The following ZNRF2 variants were observed in gnomAD, a reference collection of about 807,000 sequenced individuals.
ZNRF2 encodes E3 ubiquitin-protein ligase ZNRF2.
A neutral mutation model predicts 20.4 loss-of-function variants in ZNRF2; 16 were observed. The ratio of observed to expected loss-of-function variants is 0.79; its 90% CI spans 0.53 to 1.19. The LOEUF (loss-of-function observed/expected upper bound fraction) is 1.19, where lower values mean the gene tolerates loss of function less well. Ranked by LOEUF, ZNRF2 falls within the 50% of genes most tolerant of loss-of-function variation. ZNRF2 has a pLI of 0.00. For missense variants in ZNRF2, 363 were observed against 332.4 expected (o/e 1.09, Z -0.72); for synonymous variants, 178 against 144.9 (o/e 1.23, Z -1.64).
At chr7:30,297,161 C>G (rs764221021) in intron 1 of ZNRF2, among the ~76,000 whole-genome samples, 12 of 152,184 alleles carry the variant, frequency 7.9e-5, no homozygotes, top group Non-Finnish European at 1.2e-4. Flanking sequence ...ACAACCCTCC[C>G]TCATTTGTAT....
chr7:30,307,555 A>T (rs1265667600), intron 1 of ZNRF2, among the ~76,000 whole-genome samples: 1 of 151,354 alleles, frequency 6.6e-6, no homozygotes, highest in Admixed American at 6.6e-5. Flanking sequence ...ATTGAATGAT[A>T]CTGTTTTTAT....
At chr7:30,314,634 T>C (rs556307604) in intron 1 of ZNRF2, among the ~76,000 whole-genome samples, 85 of 152,184 alleles carry the variant, frequency 5.6e-4, no homozygotes, top group African/African-American at 1.9e-3. Flanking sequence ...TTTAAGAGTG[T>C]GAATATGCCA....
At chr7:30,299,929 G>A (rs899247205) in intron 1 of ZNRF2, among the ~76,000 whole-genome samples, 6 of 151,546 alleles carry the variant, frequency 4.0e-5, no homozygotes, top group Non-Finnish European at 5.9e-5. Flanking sequence ...ACAGGCGCCC[G>A]CCACCACACC....
chr7:30,304,283 G>A (rs1053880416), intron 1 of ZNRF2, among the ~76,000 whole-genome samples: 1 of 152,068 alleles, frequency 6.6e-6, no homozygotes, highest in Non-Finnish European at 1.5e-5. Flanking sequence ...TAGGATGGCA[G>A]GTCCAAGTAC....
intron 2 of ZNRF2, among the ~76,000 whole-genome samples, chr7:30,344,393 A>G (rs937370422): frequency 6.6e-6 from 1 of 151,832 alleles, no homozygotes; most frequent in Non-Finnish European, 1.5e-5. Context: ...GTTTTTTTCT[A>G]TGAGCAATAA....
At chr7:30,364,465 T>G (rs1344277302) in intron 4 of ZNRF2, among the ~76,000 whole-genome samples, 1 of 152,134 alleles carries the variant, frequency 6.6e-6, no homozygotes, top group Non-Finnish European at 1.5e-5. Flanking sequence ...CCTGGGTGAC[T>G]TAGCAAGTCC....
intron 2 of ZNRF2, among the ~76,000 whole-genome samples, chr7:30,335,266 A>G (rs1298574454): frequency 1.3e-5 from 2 of 152,096 alleles, no homozygotes; most frequent in Non-Finnish European, 2.9e-5. Flanking sequence ...TGACTTTTGT[A>G]TCATTCCAAC....
chr7:30,285,977 G>A, intron 1 of ZNRF2, 151 bp downstream of exon 1: 3 of 1,316,282 alleles, frequency 2.3e-6, no homozygotes, highest in African/African-American at 1.5e-5. Context: ...CTCCATCCTG[G>A]AAGAAACCCG....
intron 1 of ZNRF2, among the ~76,000 whole-genome samples, chr7:30,310,405 A>G (rs1275589874): frequency 1.3e-5 from 2 of 152,202 alleles, no homozygotes; most frequent in Non-Finnish European, 2.9e-5. Flanking sequence ...GGGGTTGGCA[A>G]ATGTCTAGTA....
intron 1 of ZNRF2, among the ~76,000 whole-genome samples, chr7:30,316,276 G>A (rs1161643632): frequency 2.7e-5 from 2 of 74,016 alleles, no homozygotes; most frequent in East Asian, 8.6e-4. Context: ...CAACAAGAGC[G>A]AAACTCCATC....
intron 2 of ZNRF2, among the ~76,000 whole-genome samples, chr7:30,341,138 C>G (rs1799789953): frequency 6.6e-6 from 1 of 151,404 alleles, no homozygotes; most frequent in Non-Finnish European, 1.5e-5. Flanking sequence ...TCTTCTTTGT[C>G]TGGCTAGGGG....
chr7:30,351,009 T>C (rs969902018), intron 2 of ZNRF2, among the ~76,000 whole-genome samples: 1 of 151,712 alleles, frequency 6.6e-6, no homozygotes, highest in African/African-American at 2.4e-5. Context: ...GTTTTTTGTT[T>C]TTTTTTTTAA....
chr7:30,342,094 A>G (rs536847897), intron 2 of ZNRF2, among the ~76,000 whole-genome samples: 1 of 132,884 alleles, frequency 7.5e-6, no homozygotes, highest in Non-Finnish European at 1.6e-5. Context: ...ATATTCCTCC[A>G]TTTCTTTATT....
chr7:30,357,020 T>C (rs1483561249), intron 3 of ZNRF2, among the ~76,000 whole-genome samples: 1 of 152,168 alleles, frequency 6.6e-6, no homozygotes, highest in Non-Finnish European at 1.5e-5. Context: ...TCAAAATATT[T>C]ATAAAACCCT....
At chr7:30,287,214 AACCT>A (rs1239163758) in intron 1 of ZNRF2, among the ~76,000 whole-genome samples, 1 of 152,224 alleles carries the variant, frequency 6.6e-6, no homozygotes, top group Non-Finnish European at 1.5e-5. Flanking sequence ...GATCACAACT[AACCT>A]AACAGTTGAA....
intron 1 of ZNRF2, among the ~76,000 whole-genome samples, chr7:30,315,316 T>A (rs894544535): frequency 3.9e-5 from 6 of 152,214 alleles, no homozygotes; most frequent in African/African-American, 1.4e-4. Context: ...CCCCTATGAT[T>A]GTTGCATGGT....
intron 2 of ZNRF2, among the ~76,000 whole-genome samples, chr7:30,329,411 C>A (rs1474873166): frequency 3.9e-5 from 6 of 152,206 alleles, no homozygotes; most frequent in Admixed American, 3.3e-4. Context: ...TATTTTTGTA[C>A]CCATTAATCA....
In ZNRF2 at chr7:30,285,610, G is replaced by T. The variant is rs1264419941; in HGVS notation, c.253G>T (p.Gly85Trp). ...GGCCCCGCGCAGCCGCTCCCTCGGCGGGGCCGTGGGGAGCGTGGCGTCGGG... is the reference window on the plus strand; with the variant it reads ...GGCCCCGCGCAGCCGCTCCCTCGGCTGGGCCGTGGGGAGCGTGGCGTCGGG... The part of the protein sequence containing the change: ...PAAPRSRSLG[G>W]AVGSVASGAR... The change falls in exon 1 of 5, where the codon GGG (glycine) becomes TGG (tryptophan). Residue 85 changes from glycine to tryptophan, a missense_variant. Gly to Trp is a radical substitution (Grantham distance 184). Coordinates refer to ENST00000323037, the MANE Select transcript of ZNRF2 (RefSeq NM_147128.4). 3 of 1,187,366 alleles carry T rather than the reference G, an allele frequency of 2.5e-6. No homozygotes were observed. The highest frequency in any genetic ancestry group is 3.1e-6 in the Non-Finnish European group (3 of 960,408). The allele number at this position is 1,187,366 out of a possible 1,614,324, so 73.6% of individuals were successfully genotyped here.
intron 2 of ZNRF2, among the ~76,000 whole-genome samples, 182 bp from the exon 3 acceptor site, chr7:30,355,546 A>G (rs1271053525): frequency 6.6e-6 from 1 of 152,178 alleles, no homozygotes; most frequent in Non-Finnish European, 1.5e-5. Flanking sequence ...AGTAAAGGTA[A>G]ACATTATTCA....
Sources: gnomAD v4.1 joint callset for allele counts (sites outside exome capture counted in the v4.1 genomes callset) on GRCh38, gnomAD v4.1.1 for gene constraint, MANE v1.5 for transcripts, NCBI Gene and HGNC (gene_info 2026-07-23, HGNC 2026-07-21) for gene names.